The following EPHX2 variants were observed in gnomAD, a reference collection of about 807,000 sequenced individuals.
EPHX2 encodes the protein epoxide hydrolase 2, also known as bifunctional epoxide hydrolase 2.
A neutral mutation model predicts 78.7 loss-of-function variants in EPHX2; 74 were observed. The ratio of observed to expected loss-of-function variants is 0.94; its 90% CI spans 0.78 to 1.14. The LOEUF is 1.14. EPHX2 is among the 50% of genes most tolerant of loss of function. The probability of loss-of-function intolerance (pLI) is 0.00; values close to 1 mark genes in which losing one functional copy is unlikely to be tolerated. For missense variants in EPHX2, 715 were observed against 702.5 expected (o/e 1.02, Z -0.20); for synonymous variants, 251 against 255.2 (o/e 0.98, Z 0.16).
intron 12 of EPHX2, among the ~76,000 whole-genome samples, chr8:27,534,508 C>T (rs186536798): frequency 9.9e-4 from 151 of 152,146 alleles, no homozygotes; most frequent in African/African-American, 3.0e-3. Context: ...AAAAATTAGC[C>T]GGGCGTGATA....
intron 11 of EPHX2, 88 bp from the exon 12 acceptor site, chr8:27,525,274 C>A: frequency 8.7e-7 from 1 of 1,152,570 alleles, no homozygotes; most frequent in Non-Finnish European, 1.3e-6. Context: ...CCACTCTGAG[C>A]TTCAGTTTTG....
rs766549590 is a variant in EPHX2, at chr8:27,516,365, A to C, written c.877A>C (p.Met293Leu). ...QAGYRVLAMD[M>L]KGYGESSAPP... is the part of the protein sequence containing the mutation. Reference sequence around the variant, plus strand: ...AGGTTACCGGGTCCTAGCTATGGACATGAAAGGCTATGGAGAGTCATCTGC... The same window carrying C: ...AGGTTACCGGGTCCTAGCTATGGACCTGAAAGGCTATGGAGAGTCATCTGC... The change falls in exon 8 of 19, where the codon ATG becomes CTG. Residue 293 changes from methionine to leucine, a missense_variant. Transcript: ENST00000521400. 3 of 1,613,930 alleles carry C rather than the reference A, an allele frequency of 1.9e-6. No homozygotes were observed. Among genetic ancestry groups the C allele is most frequent in the Admixed American group, 3.3e-5 (2 of 59,990 alleles).
chr8:27,497,835 G>A (rs1294499482), intron 1 of EPHX2, among the ~76,000 whole-genome samples: 6 of 152,140 alleles, frequency 3.9e-5, no homozygotes, highest in African/African-American at 7.2e-5. Flanking sequence ...ACAGGTCAAC[G>A]GATGTTTGCG....
At chr8:27,522,590 C>T in intron 11 of EPHX2, 82 bp downstream of exon 11, 1 of 1,412,468 alleles carries the variant, frequency 7.1e-7, no homozygotes, top group Non-Finnish European at 9.9e-7. Flanking sequence ...TCTTTAAGCC[C>T]AGAAAACTTC....
At chr8:27,545,781 T>TGGCATGATGACG (rs1276864723), downstream of EPHX2, among the ~76,000 whole-genome samples, 1 of 152,124 alleles carries the variant, frequency 6.6e-6, no homozygotes, top group Non-Finnish European at 1.5e-5. Flanking sequence ...AAGCTGAGTT[T>TGGCATGATGACG]GGCATGATGA....
chr8:27,521,359 A>C (rs774143583), intron 10 of EPHX2, among the ~76,000 whole-genome samples: 1 of 152,246 alleles, frequency 6.6e-6, no homozygotes, highest in Non-Finnish European at 1.5e-5. Flanking sequence ...GCGCTTTTGC[A>C]GAGTACACTT....
chr8:27,502,047 A>G (rs1813819805), intron 2 of EPHX2, among the ~76,000 whole-genome samples: 1 of 152,204 alleles, frequency 6.6e-6, no homozygotes, highest in Non-Finnish European at 1.5e-5. Flanking sequence ...CAGCACCCAG[A>G]TCAAGAAATA....
At position 27,540,574 on chromosome 8, in the gene EPHX2, C is replaced by G; in HGVS notation, c.1297C>G (p.Pro433Ala). The change falls in exon 15 of 19, where the codon CCA becomes GCA. Residue 433 changes from proline (P) to alanine (A), a missense_variant. Pro to Ala is a conservative substitution (Grantham distance 27). Transcript: ENST00000521400. ...CEAGGLFVNSPEEPSLSRMVT... is the reference protein window; with the variant it reads ...CEAGGLFVNSAEEPSLSRMVT... ...TGCAGGAGGACTTTTTGTAAATAGCCCAGAAGAGCCCAGCCTCAGCAGGAT... is the reference window on the plus strand; with the variant it reads ...TGCAGGAGGACTTTTTGTAAATAGCGCAGAAGAGCCCAGCCTCAGCAGGAT... 6.2e-7 allele frequency: 1 copy of G among 1,614,102 alleles called. No individual in the cohort carries two copies. The highest frequency in any genetic ancestry group is 8.5e-7 in the Non-Finnish European group (1 of 1,180,006).
intron 14 of EPHX2, 84 bp from the exon 15 acceptor site, chr8:27,540,470 C>A: frequency 1.7e-6 from 2 of 1,183,268 alleles, no homozygotes; most frequent in South Asian, 1.2e-5. Context: ...TTCAGATGGT[C>A]TGCGAGAGGC....
intron 3 of EPHX2, among the ~76,000 whole-genome samples, chr8:27,504,267 A>G (rs1813913374): frequency 6.6e-6 from 1 of 152,054 alleles, no homozygotes; most frequent in African/African-American, 2.4e-5. Flanking sequence ...CCACCCTCTT[A>G]TCAGTAGACT....
At chr8:27,507,488 T>G (rs913861422) in intron 5 of EPHX2, among the ~76,000 whole-genome samples, 4 of 152,168 alleles carry the variant, frequency 2.6e-5, no homozygotes, top group Non-Finnish European at 5.9e-5. Context: ...AGCCTGCTCC[T>G]CCAGTTCTGA....
chr8:27,544,419 TCTTTTA>T lies in EPHX2; in HGVS notation c.1590-21_1590-16del. ...AGACAAGTGTGAATGGCTATTTTTTTCTTTTACTTCTCCCTTTCCCCCAGGCCAACC... is the reference window on the plus strand; with the variant it reads ...AGACAAGTGTGAATGGCTATTTTTTTCTTCTCCCTTTCCCCCAGGCCAACC... On this transcript the variant is annotated intron_variant, in intron 18 of 18. Transcript: ENST00000521400. 2 of 1,613,886 alleles carry T rather than the reference TCTTTTA, an allele frequency of 1.2e-6. No homozygotes were observed. Among genetic ancestry groups the T allele is most frequent in the Non-Finnish European group, 8.5e-7 (1 of 1,179,816 alleles).
intron 14 of EPHX2, 41 bp downstream of exon 14, chr8:27,538,733 GAATGTTA>G: frequency 6.3e-7 from 1 of 1,599,984 alleles, no homozygotes; most frequent in Non-Finnish European, 8.6e-7. Context: ...GGAACCAGCT[GAATGTTA>G]AAGGGATGTT....
chr8:27,525,538 T>C (rs1814813939), intron 12 of EPHX2, 65 bp downstream of exon 12: 4 of 1,341,168 alleles, frequency 3.0e-6, no homozygotes, highest in Admixed American at 1.7e-5. Context: ...CCTGTCTCCT[T>C]CTTATTTGCT....
At chr8:27,535,297 C>T (rs1276668143) in intron 12 of EPHX2, among the ~76,000 whole-genome samples, 2 of 152,102 alleles carry the variant, frequency 1.3e-5, no homozygotes, top group Non-Finnish European at 2.9e-5. Flanking sequence ...CTGCCTCAGC[C>T]TCTGAGTAGC....
chr8:27,509,476 A>C (rs534090449), intron 5 of EPHX2, among the ~76,000 whole-genome samples: 1 of 151,876 alleles, frequency 6.6e-6, no homozygotes, highest in Non-Finnish European at 1.5e-5. Flanking sequence ...ACAGAGTCTC[A>C]CTCTGTTGGC....
intron 3 of EPHX2, among the ~76,000 whole-genome samples, chr8:27,504,626 G>A (rs557147435): frequency 3.0e-4 from 45 of 152,236 alleles, no homozygotes; most frequent in African/African-American, 1.1e-3. Flanking sequence ...GGGTAGGATT[G>A]GCCCTGTCCA....
Position 27,491,265 on chromosome 8 carries a change from G to A in EPHX2, c.57G>A (p.Val19=). The change falls in exon 1 of 19, where the codon GTG becomes GTA. Residue 19 remains valine (V), a synonymous_variant. Transcript: ENST00000521400. Reference sequence around the variant, plus strand: ...ACGGGGTGCTGGCGCTGCCAGCGGTGTTCGGCGTCCTCGGCCGCACGGAGG... The same window carrying A: ...ACGGGGTGCTGGCGCTGCCAGCGGTATTCGGCGTCCTCGGCCGCACGGAGG... ...DLDGVLALPA[V]FGVLGRTEEA... is the part of the protein sequence containing the mutation. 1.3e-6 allele frequency: 2 copies of A among 1,581,994 alleles called. No homozygotes were observed. The highest frequency in any genetic ancestry group is 1.7e-6 in the Non-Finnish European group (2 of 1,173,208).
chr8:27,522,561 G>A, intron 11 of EPHX2, 53 bp downstream of exon 11: 1 of 1,562,672 alleles, frequency 6.4e-7, no homozygotes, highest in Non-Finnish European at 8.8e-7. Flanking sequence ...TTGAACTCCT[G>A]TGAGAATTGT....
Sources: allele counts gnomAD v4.1 joint callset (sites outside exome capture counted in the v4.1 genomes callset), GRCh38; gene constraint gnomAD v4.1.1; transcripts MANE v1.5; gene names NCBI Gene and HGNC (gene_info 2026-07-23, HGNC 2026-07-21).